Variants in HIVEP2 observed in about 807,000 individuals in gnomAD.
The protein encoded by HIVEP2 is HIVEP zinc finger 2.
Under a neutral mutation model 180.7 loss-of-function variants are expected in HIVEP2, and 14 were observed. The observed-to-expected ratio is 0.08, with a 90% CI of 0.05 to 0.12. The LOEUF (loss-of-function observed/expected upper bound fraction) is 0.12, where lower values mean the gene tolerates loss of function less well. Ranked by LOEUF, HIVEP2 falls within the 10% of genes least tolerant of loss-of-function variation. HIVEP2 has a pLI of 1.00. For synonymous variants in HIVEP2, 1,184 were observed against 1,136.4 expected (o/e 1.04, Z -0.84); for missense variants, 2,579 against 3,008.5 (o/e 0.86, Z 3.34).
intron 2 of HIVEP2, among the ~76,000 whole-genome samples, chr6:142,825,809 T>G (rs1004177118): frequency 2.6e-5 from 4 of 152,174 alleles, no homozygotes; most frequent in African/African-American, 9.7e-5. Flanking sequence ...ATAATTAAAG[T>G]GCCAATAATG....
chr6:142,872,321 C>T (rs1259459887), intron 1 of HIVEP2, among the ~76,000 whole-genome samples: 1 of 152,150 alleles, frequency 6.6e-6, no homozygotes, highest in African/African-American at 2.4e-5. Flanking sequence ...ATGTCTGGAA[C>T]AATGAGTCTT....
At chr6:142,803,503 C>A (rs1490610115) in intron 2 of HIVEP2, among the ~76,000 whole-genome samples, 2 of 149,572 alleles carry the variant, frequency 1.3e-5, no homozygotes, top group East Asian at 2.0e-4. Flanking sequence ...CTGCTGTCTG[C>A]ATCTTTCATA....
chr6:142,775,246 G>C, intron 4 of HIVEP2, 121 bp from the exon 5 acceptor site: 1 of 181,712 alleles, frequency 5.5e-6, no homozygotes, highest in Non-Finnish European at 1.0e-5. Context: ...TTACTCCAAG[G>C]AATTATTTTT....
At chr6:142,861,900 G>T (rs917200262) in intron 1 of HIVEP2, among the ~76,000 whole-genome samples, 2 of 152,138 alleles carry the variant, frequency 1.3e-5, no homozygotes, top group African/African-American at 4.8e-5. Context: ...TGCAAGAACA[G>T]ATGGCTATTC....
chr6:142,774,998 A>G lies in HIVEP2; in HGVS notation c.-260T>C, dbSNP rs992762776. ...CCATCCAAAAGCTAAGTGCAAATCT[A>G]TAAAGATTTCTTATGGCATTTGAAA... On this transcript the variant is annotated 5_prime_UTR_variant, in exon 5 of 10. Coordinates refer to ENST00000367603, the MANE Select transcript of HIVEP2 (RefSeq NM_006734.4). The surrounding 1 kb of genome is among the most constrained non-coding windows in gnomAD (Gnocchi z 5.1). 8 of 1,211,076 alleles carry G rather than the reference A, an allele frequency of 6.6e-6. No individual in the cohort carries two copies. The highest frequency in any genetic ancestry group is 3.5e-5 in the East Asian group (1 of 28,368). The allele number at this position is 1,211,076 out of a possible 1,614,324, so 75.0% of individuals were successfully genotyped here.
chr6:142,934,266 A>G (rs920439068), intron 1 of HIVEP2, among the ~76,000 whole-genome samples: 3 of 152,202 alleles, frequency 2.0e-5, no homozygotes, highest in Non-Finnish European at 4.4e-5. Context: ...CCCAGGAGGT[A>G]GGGGAGTGCT....
chr6:142,812,161 C>T (rs1199013655), intron 2 of HIVEP2, among the ~76,000 whole-genome samples: 1 of 152,088 alleles, frequency 6.6e-6, no homozygotes, highest in African/African-American at 2.4e-5. Flanking sequence ...GGTGAAATAC[C>T]AGGGAGGACA....
At chr6:142,820,197 A>G (rs1000892359) in intron 2 of HIVEP2, among the ~76,000 whole-genome samples, 1 of 152,122 alleles carries the variant, frequency 6.6e-6, no homozygotes, top group African/African-American at 2.4e-5. Flanking sequence ...TCTAACCTTC[A>G]TTAATTTTTC....
chr6:142,902,356 G>A (rs1257551555), intron 1 of HIVEP2, among the ~76,000 whole-genome samples: 2 of 152,112 alleles, frequency 1.3e-5, no homozygotes, highest in African/African-American at 4.8e-5. Context: ...CAAAATTCCT[G>A]GCCCATACTC....
At chr6:142,798,949 G>T (rs1039417532) in intron 2 of HIVEP2, among the ~76,000 whole-genome samples, 3 of 152,136 alleles carry the variant, frequency 2.0e-5, no homozygotes, top group African/African-American at 7.2e-5. Context: ...GCAGAGTTAA[G>T]TTTCCAGAAG....
At chr6:142,823,738 A>G (rs1311749608) in intron 2 of HIVEP2, among the ~76,000 whole-genome samples, 2 of 152,226 alleles carry the variant, frequency 1.3e-5, no homozygotes, top group Non-Finnish European at 2.9e-5. Flanking sequence ...ATTTGTAAAG[A>G]TGTAACCTGT....
intron 2 of HIVEP2, chr6:142,788,062 A>G (rs1776047725): frequency 6.6e-6 from 1 of 152,224 alleles, no homozygotes; most frequent in Non-Finnish European, 1.5e-5. Context: ...AAAAGATAGG[A>G]AACAAAGCAT....
chr6:142,756,842 C>T (rs916638479), intron 9 of HIVEP2, among the ~76,000 whole-genome samples: 1 of 142,584 alleles, frequency 7.0e-6, no homozygotes, highest in African/African-American at 2.6e-5. Context: ...TCTATCTATC[C>T]GTCCATCCAT....
At chr6:142,941,724 T>C (rs1582982062) in intron 1 of HIVEP2, among the ~76,000 whole-genome samples, 1 of 152,348 alleles carries the variant, frequency 6.6e-6, no homozygotes, top group East Asian at 1.9e-4. Context: ...CCTCTGCTCC[T>C]TTTTATAATA....
At chr6:142,852,341 C>T (rs1247579898) in intron 1 of HIVEP2, among the ~76,000 whole-genome samples, 7 of 151,946 alleles carry the variant, frequency 4.6e-5, no homozygotes, top group Admixed American at 1.3e-4. Flanking sequence ...TTTTTTCTCT[C>T]ATTTATTCAA....
intron 5 of HIVEP2, among the ~76,000 whole-genome samples, chr6:142,769,258 A>G (rs1010190904): frequency 1.2e-4 from 19 of 152,204 alleles, no homozygotes; most frequent in Middle Eastern, 3.2e-3. Flanking sequence ...CAGAAGGAAA[A>G]TAACCCATGG....
At chr6:142,915,038 C>T (rs1462255030) in intron 1 of HIVEP2, among the ~76,000 whole-genome samples, 1 of 152,128 alleles carries the variant, frequency 6.6e-6, no homozygotes, top group African/African-American at 2.4e-5. Context: ...ACCTCAGCTA[C>T]CATTAAACAC....
intron 2 of HIVEP2, among the ~76,000 whole-genome samples, chr6:142,801,198 A>T (rs990498344): frequency 2.0e-5 from 3 of 151,648 alleles, no homozygotes; most frequent in African/African-American, 7.3e-5. Context: ...TGTCAAAAAA[A>T]AAAAAAAAAA....
At chr6:142,886,977 C>G (rs1776712626) in intron 1 of HIVEP2, among the ~76,000 whole-genome samples, 1 of 152,150 alleles carries the variant, frequency 6.6e-6, no homozygotes, top group Non-Finnish European at 1.5e-5. Context: ...TCACGTTTCT[C>G]TCCTGTGCAT....
Sources: allele counts gnomAD v4.1 joint callset (sites outside exome capture counted in the v4.1 genomes callset), GRCh38; gene constraint gnomAD v4.1.1; non-coding constraint Gnocchi (gnomAD v3.1); transcripts MANE v1.5; gene names NCBI Gene and HGNC (gene_info 2026-07-23, HGNC 2026-07-21).